Variants in KAZN observed in about 807,000 individuals in gnomAD.
The protein encoded by KAZN is kazrin, periplakin interacting protein.
KAZN carries 40 observed loss-of-function variants against 87.4 expected under a neutral mutation model. The observed-to-expected ratio is 0.46, with a 90% CI of 0.36 to 0.60. The LOEUF is 0.60. KAZN is among the 20% of genes least tolerant of loss of function. KAZN has a pLI of 0.00. For missense variants in KAZN, 898 were observed against 1,073.9 expected (o/e 0.84, Z 2.29); for synonymous variants, 466 against 458.3 (o/e 1.02, Z -0.22).
At chr1:14,171,021 GT>G (rs1645944355) in intron 1 of KAZN, among the ~76,000 whole-genome samples, 2 of 152,204 alleles carry the variant, frequency 1.3e-5, no homozygotes, top group Admixed American at 1.3e-4. Flanking sequence ...CCTCTGTACA[GT>G]TCTTAAAAAT....
chr1:14,428,132 A>G (rs1167201462), intron 2 of KAZN, among the ~76,000 whole-genome samples: 1 of 152,240 alleles, frequency 6.6e-6, no homozygotes, highest in African/African-American at 2.4e-5. Context: ...TTAATTAAAG[A>G]CTGTCAGGAA....
At chr1:14,285,486 A>T (rs945196779) in intron 2 of KAZN, among the ~76,000 whole-genome samples, 1 of 152,178 alleles carries the variant, frequency 6.6e-6, no homozygotes, top group Non-Finnish European at 1.5e-5. Context: ...CTAGGGTGAG[A>T]TAGCATGTGG....
chr1:14,343,834 A>C (rs911595355), intron 2 of KAZN, among the ~76,000 whole-genome samples: 5 of 152,112 alleles, frequency 3.3e-5, no homozygotes, highest in African/African-American at 1.2e-4. Flanking sequence ...CTCTCCTTTC[A>C]TTTCCTTCGG....
chr1:14,826,492 A>T (rs1646889939), intron 1 of KAZN, among the ~76,000 whole-genome samples: 2 of 152,180 alleles, frequency 1.3e-5, no homozygotes, highest in South Asian at 4.1e-4. Flanking sequence ...AATTTCTGGA[A>T]AATTCTACAG....
At chr1:15,008,873 G>A (rs972092808) in intron 2 of KAZN, among the ~76,000 whole-genome samples, 1 of 152,208 alleles carries the variant, frequency 6.6e-6, no homozygotes, top group Non-Finnish European at 1.5e-5. Context: ...GGCCTCTCCT[G>A]CATCCTCATC....
chr1:14,224,362 G>A (rs970605822), intron 2 of KAZN, among the ~76,000 whole-genome samples: 1 of 152,118 alleles, frequency 6.6e-6, no homozygotes, highest in African/African-American at 2.4e-5. Flanking sequence ...TTTAAAGGTT[G>A]TACCGAAGCT....
chr1:15,000,935 C>G (rs1457277887), intron 2 of KAZN, among the ~76,000 whole-genome samples: 1 of 151,704 alleles, frequency 6.6e-6, no homozygotes, highest in African/African-American at 2.4e-5. Context: ...AAGACCCTAT[C>G]TCTAAAAAAA....
chr1:14,355,781 T>C (rs916627929), intron 2 of KAZN, among the ~76,000 whole-genome samples: 9 of 152,236 alleles, frequency 5.9e-5, no homozygotes, highest in Admixed American at 1.3e-4. Context: ...TATAGCTGCA[T>C]AGTATTCCAT....
At chr1:14,458,342 T>G (rs1316824318) in intron 2 of KAZN, among the ~76,000 whole-genome samples, 1 of 152,250 alleles carries the variant, frequency 6.6e-6, no homozygotes, top group East Asian at 1.9e-4. Flanking sequence ...TCATTAGTTC[T>G]AATAGTTTGT....
chr1:14,919,325 T>A (rs987193520), intron 1 of KAZN, among the ~76,000 whole-genome samples: 1 of 152,180 alleles, frequency 6.6e-6, no homozygotes, highest in Non-Finnish European at 1.5e-5. Context: ...GACAGGCGCG[T>A]TCCACCACAC....
intron 1 of KAZN, among the ~76,000 whole-genome samples, chr1:14,069,024 C>A (rs1487065750): frequency 6.6e-6 from 1 of 152,164 alleles, no homozygotes; most frequent in Non-Finnish European, 1.5e-5. Context: ...GTCTCGAACT[C>A]CTGACCTCAT....
chr1:14,180,644 CT>C, intron 2 of KAZN: 1 of 1,485,304 alleles, frequency 6.7e-7, no homozygotes, highest in Non-Finnish European at 9.0e-7. Flanking sequence ...ATCTTTTTTT[CT>C]TTTTGGCATA....
chr1:14,264,595 T>G (rs1235342845), intron 2 of KAZN, among the ~76,000 whole-genome samples: 2 of 152,202 alleles, frequency 1.3e-5, no homozygotes, highest in Non-Finnish European at 2.9e-5. Context: ...TTCTACCATC[T>G]GCCATAGTAT....
At chr1:15,004,011 C>T (rs1668763280) in intron 2 of KAZN, among the ~76,000 whole-genome samples, 2 of 152,170 alleles carry the variant, frequency 1.3e-5, no homozygotes, top group African/African-American at 2.4e-5. Context: ...CTTTAAAGGA[C>T]ATTTCCTCTG....
At chr1:13,973,314 A>T (rs970530805) in intron 1 of KAZN, among the ~76,000 whole-genome samples, 11 of 151,942 alleles carry the variant, frequency 7.2e-5, no homozygotes, top group Non-Finnish European at 1.5e-4. Flanking sequence ...GCCCTTCTCC[A>T]CCCTGCTTTA....
intron 2 of KAZN, among the ~76,000 whole-genome samples, chr1:14,997,241 A>G (rs796260488): frequency 2.2e-5 from 3 of 139,452 alleles, no homozygotes; most frequent in Non-Finnish European, 4.6e-5. Flanking sequence ...TTATTTATTT[A>G]TTTATTTATT....
chr1:14,341,649 C>G (rs1216833171), intron 2 of KAZN, among the ~76,000 whole-genome samples: 2 of 152,116 alleles, frequency 1.3e-5, no homozygotes, highest in African/African-American at 2.4e-5. Context: ...CTTCCTTCAG[C>G]TTTTATTCAG....
At chr1:14,458,124 G>A (rs1412779252) in intron 2 of KAZN, among the ~76,000 whole-genome samples, 2 of 151,988 alleles carry the variant, frequency 1.3e-5, no homozygotes, top group African/African-American at 2.4e-5. Context: ...CCCAGTTGAC[G>A]TATAGTATAT....
intron 1 of KAZN, among the ~76,000 whole-genome samples, chr1:14,709,828 G>T (rs1057038523): frequency 5.9e-5 from 9 of 152,142 alleles, no homozygotes; most frequent in Non-Finnish European, 1.3e-4. Flanking sequence ...CTTTTCTTAT[G>T]AACATTTCCT....
Sources: gnomAD v4.1 joint callset for allele counts (sites outside exome capture counted in the v4.1 genomes callset) on GRCh38, gnomAD v4.1.1 for gene constraint, MANE v1.5 for transcripts, NCBI Gene and HGNC (gene_info 2026-07-23, HGNC 2026-07-21) for gene names.